RIMS1: variants seen among roughly 807,000 people sequenced by gnomAD.
RIMS1 encodes regulating synaptic membrane exocytosis protein 1.
RIMS1 carries 83 observed loss-of-function variants against 214.1 expected under a neutral mutation model. That is an observed-to-expected ratio of 0.39 (90% CI 0.32 to 0.47). The LOEUF is 0.47. Ranked by LOEUF, RIMS1 falls within the 20% of genes least tolerant of loss-of-function variation. The probability of loss-of-function intolerance (pLI) is 0.99; values close to 1 mark genes in which losing one functional copy is unlikely to be tolerated. For synonymous variants in RIMS1, 793 were observed against 786.8 expected (o/e 1.01, Z -0.13); for missense variants, 2,050 against 2,161.8 (o/e 0.95, Z 1.03).
intron 6 of RIMS1, among the ~76,000 whole-genome samples, chr6:72,213,538 A>AT (rs2054332688): frequency 6.6e-6 from 1 of 152,194 alleles, no homozygotes; most frequent in African/African-American, 2.4e-5. Context: ...TGTGAAAATA[A>AT]TTAAAAAAAA....
chr6:72,158,008 T>C lies in RIMS1; in HGVS notation c.472-21567T>C, dbSNP rs1185990571. On this transcript the variant is annotated intron_variant, in intron 4 of 33. Coordinates refer to ENST00000521978, the MANE Select transcript of RIMS1 (RefSeq NM_014989.7). ...CATTAACATAGCTTATCCCCACAAA[T>C]ATTTTATGTTATTATTGTGTGATTT... is the stretch of plus-strand genomic sequence containing the variant. 2.1e-5 allele frequency among the ~76,000 whole-genome samples: 3 copies of C among 140,604 alleles called. 1 individual carries two copies. The highest frequency in any genetic ancestry group is 4.9e-5 in the Non-Finnish European group (3 of 61,844). 92.2% of individuals were successfully genotyped at this position (140,604 alleles called of 152,430 possible). A position where few individuals can be genotyped will look rare whatever the true frequency, so the allele number is the denominator to read the frequency against.
intron 2 of RIMS1, among the ~76,000 whole-genome samples, chr6:72,039,651 G>A (rs1374726664): frequency 6.6e-6 from 1 of 152,004 alleles, no homozygotes; most frequent in Non-Finnish European, 1.5e-5. Context: ...GGGAGTTTTG[G>A]GACAAAATAT....
intron 6 of RIMS1, among the ~76,000 whole-genome samples, chr6:72,210,752 A>G (rs1379432703): frequency 6.6e-6 from 1 of 152,172 alleles, no homozygotes; most frequent in Non-Finnish European, 1.5e-5. Flanking sequence ...ATCATACCTA[A>G]GCCTCGGTTT....
chr6:72,119,618 T>C (rs2037806885), intron 4 of RIMS1, among the ~76,000 whole-genome samples: 1 of 151,568 alleles, frequency 6.6e-6, no homozygotes, highest in Admixed American at 6.6e-5. Flanking sequence ...TGGAACACAA[T>C]AGAGAATCAA....
chr6:72,046,257 G>C (rs912540161), intron 2 of RIMS1, among the ~76,000 whole-genome samples: 1 of 151,954 alleles, frequency 6.6e-6, no homozygotes, highest in East Asian at 1.9e-4. Flanking sequence ...GTGCTGCCTG[G>C]TGCTGTTCTC....
At chr6:72,247,767 G>A (rs955354870) in intron 11 of RIMS1, among the ~76,000 whole-genome samples, 2 of 152,072 alleles carry the variant, frequency 1.3e-5, no homozygotes, top group African/African-American at 4.8e-5. Context: ...TCATGCAAGA[G>A]CCTGTGCAAT....
intron 22 of RIMS1, among the ~76,000 whole-genome samples, chr6:72,271,286 A>AATATATATATAT (rs1222564699): frequency 0.022 from 946 of 43,854 alleles, 9 homozygotes; most frequent in Non-Finnish European, 0.028. Flanking sequence ...AAAAAAAAAA[A>AATATATATATAT]ATATATATAT....
chr6:72,248,744 A>G (rs921049473), intron 12 of RIMS1, among the ~76,000 whole-genome samples: 1 of 152,216 alleles, frequency 6.6e-6, no homozygotes, highest in Non-Finnish European at 1.5e-5. Flanking sequence ...TCAAATTGTT[A>G]CACAAATAAT....
chr6:72,216,614 T>C, intron 6 of RIMS1: 3 of 985,616 alleles, frequency 3.0e-6, no homozygotes, highest in Non-Finnish European at 3.6e-6. Flanking sequence ...TGCCAGTGAT[T>C]GATAATGGGA....
At chr6:71,910,318 A>G (rs567139635) in intron 1 of RIMS1, among the ~76,000 whole-genome samples, 2 of 152,246 alleles carry the variant, frequency 1.3e-5, no homozygotes, top group Admixed American at 6.5e-5. Flanking sequence ...GTTTCAGTGT[A>G]TTTGTCTGAC....
intron 2 of RIMS1, among the ~76,000 whole-genome samples, chr6:72,018,085 T>C (rs1225272989): frequency 6.6e-6 from 1 of 151,764 alleles, no homozygotes; most frequent in Non-Finnish European, 1.5e-5. Context: ...ACCATATCAC[T>C]GTAGCTGCTG....
intron 29 of RIMS1, among the ~76,000 whole-genome samples, chr6:72,376,256 T>G (rs2098375721): frequency 6.6e-6 from 1 of 152,186 alleles, no homozygotes; most frequent in Non-Finnish European, 1.5e-5. Context: ...GTGTAAGTTT[T>G]GCTACCCTAA....
intron 6 of RIMS1, among the ~76,000 whole-genome samples, chr6:72,201,073 AG>A (rs1366642030): frequency 6.6e-6 from 1 of 152,178 alleles, no homozygotes; most frequent in African/African-American, 2.4e-5. Flanking sequence ...TTCTATAAAA[AG>A]GAAAGAAATT....
intron 23 of RIMS1, among the ~76,000 whole-genome samples, chr6:72,280,428 A>G (rs1294614820): frequency 6.6e-6 from 1 of 152,072 alleles, no homozygotes; most frequent in East Asian, 1.9e-4. Context: ...GTGTTAAAAT[A>G]TACAATATTT....
chr6:71,986,473 G>T (rs995589801), intron 2 of RIMS1, among the ~76,000 whole-genome samples: 1 of 152,186 alleles, frequency 6.6e-6, no homozygotes, highest in African/African-American at 2.4e-5. Context: ...GTGTGATCAA[G>T]AAACTGATGA....
intron 1 of RIMS1, among the ~76,000 whole-genome samples, chr6:71,888,493 C>G (rs1165994885): frequency 1.3e-5 from 2 of 152,174 alleles, no homozygotes; most frequent in South Asian, 4.1e-4. Flanking sequence ...CTCCCCCACC[C>G]CCTAGAAGTG....
At chr6:72,138,515 ATGTT>A (rs1443036232) in intron 4 of RIMS1, among the ~76,000 whole-genome samples, 1 of 152,174 alleles carries the variant, frequency 6.6e-6, no homozygotes, top group Non-Finnish European at 1.5e-5. Flanking sequence ...ATGTGTAAAA[ATGTT>A]TGTATACGTT....
intron 30 of RIMS1, among the ~76,000 whole-genome samples, chr6:72,391,319 A>G (rs1216264872): frequency 1.3e-5 from 2 of 148,824 alleles, no homozygotes; most frequent in Admixed American, 1.3e-4. Flanking sequence ...ATAGAATACG[A>G]TTTTTAAAAA....
intron 1 of RIMS1, among the ~76,000 whole-genome samples, chr6:71,961,137 G>C (rs1465044534): frequency 6.6e-6 from 1 of 152,090 alleles, no homozygotes; most frequent in Non-Finnish European, 1.5e-5. Flanking sequence ...TGAAGAGGTA[G>C]AGAAATAATT....
Sources: gnomAD v4.1 joint callset for allele counts (sites outside exome capture counted in the v4.1 genomes callset) on GRCh38, gnomAD v4.1.1 for gene constraint, MANE v1.5 for transcripts, NCBI Gene and HGNC (gene_info 2026-07-23, HGNC 2026-07-21) for gene names.